TNFRSF10B: variants seen among roughly 807,000 people sequenced by gnomAD.
The protein encoded by TNFRSF10B is TNF receptor superfamily member 10b.
TNFRSF10B carries 35 observed loss-of-function variants against 41.4 expected under a neutral mutation model. The observed-to-expected ratio is 0.85, with a 90% confidence interval of 0.65 to 1.12. TNFRSF10B has a LOEUF of 1.12. Among genes scored for constraint, TNFRSF10B ranks in the 50% most tolerant of loss-of-function variants. The pLI, the probability that TNFRSF10B is intolerant of heterozygous loss-of-function variation, is 0.00. For missense variants in TNFRSF10B, 584 were observed against 552.7 expected, an observed-to-expected ratio of 1.06 and a Z score of -0.57; for synonymous variants, 230 against 215.5, an observed-to-expected ratio of 1.07 and a Z score of -0.59.
At position 23,030,820 on chromosome 8, in the gene TNFRSF10B, C is replaced by T; in HGVS notation, c.303G>A (p.Gln101=). The T allele has an allele frequency of 6.2e-7, 1 of 1,613,130 alleles. No individual in the cohort carries two copies. The highest frequency in any genetic ancestry group is 8.5e-7 in the Non-Finnish European group (1 of 1,179,634). Residue 101 remains glutamine (Q), a synonymous_variant, in exon 3 of 9, where the codon CAG becomes CAA. Transcript: ENST00000276431. ...GRDCISCKYG[Q]DYSTHWNDLL... is the part of the protein sequence containing the mutation. ...GGTCATTCCAGTGAGTGCTATAGTCCTGTCCATATTTGCAGGAGATGCAAT... is the reference window on the plus strand; with the variant it reads ...GGTCATTCCAGTGAGTGCTATAGTCTTGTCCATATTTGCAGGAGATGCAAT...
In TNFRSF10B at chr8:23,068,763, C is replaced by T. The variant is rs762300417; in HGVS notation, c.132G>A (p.Ala44=). The change falls in exon 1 of 9, where the codon GCG becomes GCA. Residue 44 remains alanine (A), a synonymous_variant. Coordinates refer to ENST00000276431, the MANE Select transcript of TNFRSF10B (RefSeq NM_003842.5). The part of the protein sequence containing the change: ...VPKTLVLVVA[A]VLLLVSAESA... ...GGCGGGGACTCACCAACAGCAGGAC[C>T]GCGGCGACAACGAGCACAAGGGTCT... The T allele has an allele frequency of 1.3e-6, 2 of 1,590,434 alleles. No homozygotes were observed. The highest frequency in any genetic ancestry group is 2.7e-5 in the African/African-American group (2 of 74,450).
chr8:23,062,281 T>A (rs1349883948), intron 1 of TNFRSF10B, among the ~76,000 whole-genome samples: 1 of 152,170 alleles, frequency 6.6e-6, no homozygotes, highest in Non-Finnish European at 1.5e-5. Context: ...AGTGCAGTGA[T>A]GTGATCTTGG....
chr8:23,028,086 G>T, intron 5 of TNFRSF10B: 1 of 612,454 alleles, frequency 1.6e-6, no homozygotes, highest in South Asian at 2.0e-5. Context: ...GGGAGGAACT[G>T]GCCCTGCCCT....
At chr8:23,036,732 A>C (rs1394667023) in intron 2 of TNFRSF10B, among the ~76,000 whole-genome samples, 1 of 152,122 alleles carries the variant, frequency 6.6e-6, no homozygotes, top group East Asian at 1.9e-4. Context: ...AATCCCAGTT[A>C]CTTGGGAGGC....
rs766096088 is a variant in TNFRSF10B, at chr8:23,068,775, G to A, written c.120C>T (p.Leu40=). The A allele has an allele frequency of 1.4e-5, 23 of 1,601,422 alleles. No individual in the cohort carries two copies. The highest frequency in any genetic ancestry group is 1.7e-4 in the Middle Eastern group (1 of 6,048). ...CCAACAGCAGGACCGCGGCGACAAC[G>A]AGCACAAGGGTCTTGGGGACCCGGG... ...PGPRVPKTLV[L]VVAAVLLLVS... Residue 40 remains leucine, a synonymous_variant, in exon 1 of 9, where the codon CTC becomes CTT. Coordinates refer to ENST00000276431, the MANE Select transcript of TNFRSF10B (RefSeq NM_003842.5).
At chr8:23,032,329 C>G (rs1811907595) in intron 2 of TNFRSF10B, among the ~76,000 whole-genome samples, 6 of 152,084 alleles carry the variant, frequency 3.9e-5, no homozygotes, top group Admixed American at 3.9e-4. Flanking sequence ...GAAAAGCCTT[C>G]AAAATTAAAG....
intron 1 of TNFRSF10B, among the ~76,000 whole-genome samples, chr8:23,066,633 C>T (rs1440527084): frequency 2.0e-5 from 3 of 152,004 alleles, no homozygotes; most frequent in Non-Finnish European, 4.4e-5. Context: ...CTCGGCTGGG[C>T]GTGGTGGCTC....
chr8:23,062,893 T>C (rs1453833657), intron 1 of TNFRSF10B, among the ~76,000 whole-genome samples: 7 of 152,234 alleles, frequency 4.6e-5, no homozygotes. Flanking sequence ...CCACTACTCA[T>C]TCTTTCTGCT....
chr8:23,065,462 C>A (rs1181876231), intron 1 of TNFRSF10B, among the ~76,000 whole-genome samples: 1 of 152,176 alleles, frequency 6.6e-6, no homozygotes. Flanking sequence ...GAGACTGACT[C>A]TAGGTGCCTG....
At chr8:23,067,625 C>T (rs550772459) in intron 1 of TNFRSF10B, among the ~76,000 whole-genome samples, 1 of 152,270 alleles carries the variant, frequency 6.6e-6, no homozygotes, top group Admixed American at 6.5e-5. Flanking sequence ...TGTACACTCT[C>T]CTCACTAGGA....
chr8:23,067,765 G>T (rs899043926), intron 1 of TNFRSF10B, among the ~76,000 whole-genome samples: 1 of 152,162 alleles, frequency 6.6e-6, no homozygotes, highest in African/African-American at 2.4e-5. Flanking sequence ...CATTCTTCTA[G>T]GTCAACACCA....
Position 23,027,125 on chromosome 8 carries a change from CCA to C in TNFRSF10B, c.936+6_936+7del. The C allele has an allele frequency of 1.2e-6, 2 of 1,613,916 alleles. No homozygotes were observed. The highest frequency in any genetic ancestry group is 2.2e-5 in the South Asian group (2 of 91,070). ...GCCAGGAAACAAAATGATCTGTCCC[CCA>C]CTCACCAGCAGATGCTCTGACTCCC... On this transcript the variant is annotated splice_donor_region_variant and intron_variant, in intron 7 of 8. Coordinates refer to ENST00000276431, the MANE Select transcript of TNFRSF10B (RefSeq NM_003842.5).
Position 23,020,706 on chromosome 8 carries a change from T to C in TNFRSF10B, c.*1965A>G, listed in dbSNP as rs1382421105. Reference sequence around the variant, plus strand: ...GATTCTGTCTCAAAAAAATTAAAAATAAAAGAAAAATCTTAAACACTGATA... The same window carrying C: ...GATTCTGTCTCAAAAAAATTAAAAACAAAAGAAAAATCTTAAACACTGATA... On this transcript the variant is annotated 3_prime_UTR_variant, in exon 9 of 9. Transcript: ENST00000276431. 2 of 453,800 alleles carry C rather than the reference T, an allele frequency of 4.4e-6. No homozygotes were observed. Among genetic ancestry groups the C allele is most frequent in the South Asian group, 1.6e-5 (1 of 64,404 alleles). The allele number at this position is 453,800 out of a possible 1,614,324, so 28.1% of individuals were successfully genotyped here. A position where few individuals can be genotyped will look rare whatever the true frequency, so the allele number is the denominator to read the frequency against.
At chr8:23,025,263 GAAATA>G (rs1380925511) in intron 7 of TNFRSF10B, among the ~76,000 whole-genome samples, 1 of 152,100 alleles carries the variant, frequency 6.6e-6, no homozygotes, top group Non-Finnish European at 1.5e-5. Flanking sequence ...AAATTTATCT[GAAATA>G]AACTCCCAAA....
intron 2 of TNFRSF10B, among the ~76,000 whole-genome samples, chr8:23,035,977 T>G (rs111365312): frequency 3.3e-5 from 5 of 152,222 alleles, no homozygotes; most frequent in African/African-American, 1.2e-4. Flanking sequence ...CAACGGTGCT[T>G]GAAGTATTGG....
rs1811471384 is a variant in TNFRSF10B at position 23,020,319 on chromosome 8, AT to A, written c.*2351del. 1 of 453,966 alleles carries A rather than the reference AT, an allele frequency of 2.2e-6. No homozygotes were observed. The highest frequency in any genetic ancestry group is 4.4e-6 in the Non-Finnish European group (1 of 226,780). The allele number at this position is 453,966 out of a possible 1,614,324, so 28.1% of individuals were successfully genotyped here. ...CTATGGCTGTCCTGTGTCACATGCT[AT>A]TTGGCCTGGGGATATAGCAAAGCCT... On this transcript the variant is annotated 3_prime_UTR_variant, in exon 9 of 9. Coordinates refer to ENST00000276431, the MANE Select transcript of TNFRSF10B (RefSeq NM_003842.5).
Position 23,022,911 on chromosome 8 carries a change from C to G in TNFRSF10B, c.1083G>C (p.Leu361Phe). 1 of 1,614,046 alleles carries G rather than the reference C, an allele frequency of 6.2e-7. No homozygotes were observed. Among genetic ancestry groups the G allele is most frequent in the African/African-American group, 1.3e-5 (1 of 75,000 alleles). ...FDSWEPLMRK[L>F]GLMDNEIKVA... ...CCTTTATCTCATTGTCCATGAGGCC[C>G]AACTTCCTCATGAGCGGCTCCCAGG... The change falls in exon 9 of 9, where the codon TTG becomes TTC. Residue 361 changes from leucine (L) to phenylalanine (F), a missense_variant. Transcript: ENST00000276431.
intron 1 of TNFRSF10B, among the ~76,000 whole-genome samples, chr8:23,052,408 C>T (rs1470983865): frequency 6.6e-6 from 1 of 151,692 alleles, no homozygotes; most frequent in African/African-American, 2.4e-5. Context: ...GCCTCAGCCT[C>T]CCGAGTAGGT....
intron 1 of TNFRSF10B, among the ~76,000 whole-genome samples, chr8:23,044,825 C>A (rs925269668): frequency 5.9e-5 from 9 of 151,690 alleles, no homozygotes; most frequent in African/African-American, 2.2e-4. Flanking sequence ...AAAAGATTAT[C>A]AAAATTCTGT....
Sources: gnomAD v4.1 joint callset for allele counts (sites outside exome capture counted in the v4.1 genomes callset) on GRCh38, gnomAD v4.1.1 for gene constraint, MANE v1.5 for transcripts, NCBI Gene and HGNC (gene_info 2026-07-23, HGNC 2026-07-21) for gene names.